The following PSIP1 variants were observed in gnomAD, a reference collection of about 807,000 sequenced individuals.
PSIP1 encodes the protein PC4 and SFRS1-interacting protein.
Under a neutral mutation model 74.7 loss-of-function variants are expected in PSIP1, and 19 were observed. The observed-to-expected ratio is 0.25, with a 90% CI of 0.18 to 0.37. PSIP1 has a LOEUF of 0.37. PSIP1 is among the 10% of genes least tolerant of loss of function. The pLI, the probability that PSIP1 is intolerant of heterozygous loss-of-function variation, is 1.00. For missense variants in PSIP1, 601 were observed against 614.3 expected (o/e 0.98, Z 0.23); for synonymous variants, 222 against 195.3 (o/e 1.14, Z -1.14).
intron 8 of PSIP1, 124 bp downstream of exon 8, chr9:15,478,353 T>C: frequency 1.2e-6 from 1 of 836,510 alleles, no homozygotes; most frequent in Non-Finnish European, 1.8e-6. Flanking sequence ...CCTGTAATTT[T>C]AAGAAAGATC....
chr9:15,484,796 CCAGCTACTT>C (rs2036487604), intron 6 of PSIP1, among the ~76,000 whole-genome samples: 1 of 151,700 alleles, frequency 6.6e-6, no homozygotes. Flanking sequence ...GCCTGTAATC[CCAGCTACTT>C]GGGAGGCCGA....
At chr9:15,502,941 A>G (rs940123106) in intron 3 of PSIP1, among the ~76,000 whole-genome samples, 10 of 152,248 alleles carry the variant, frequency 6.6e-5, no homozygotes, top group African/African-American at 2.2e-4. Flanking sequence ...TGCAGTTACA[A>G]AAGAATTCTG....
At chr9:15,475,987 T>C (rs1015784996) in intron 8 of PSIP1, among the ~76,000 whole-genome samples, 14 of 152,216 alleles carry the variant, frequency 9.2e-5, no homozygotes, top group Admixed American at 7.9e-4. Context: ...TTAGCTCTTC[T>C]GGGCTCTATT....
chr9:15,490,682 C>CAA (rs869054621), intron 3 of PSIP1, among the ~76,000 whole-genome samples: 583 of 55,982 alleles, frequency 0.01, 6 homozygotes, highest in African/African-American at 0.021. Context: ...GACTCTGTCT[C>CAA]AAAAAAAAAA....
At position 15,465,586 on chromosome 9, in the gene PSIP1, G is replaced by GA. The variant is rs762250850; in HGVS notation, c.1533-7dup. ...CTCTCTCTTCACTGGATGGCCTGAA[G>GA]AAAAGGGGGAAAGGTACAACTGGAA... On this transcript the variant is annotated splice_polypyrimidine_tract_variant and splice_region_variant and intron_variant, in intron 15 of 15. Transcript: ENST00000380733. The GA allele has an allele frequency of 1.9e-6, 3 of 1,566,352 alleles. No homozygotes were observed. The highest frequency in any genetic ancestry group is 2.6e-6 in the Non-Finnish European group (3 of 1,143,508).
chr9:15,471,779 A>G (rs2035841753), intron 10 of PSIP1: 5 of 953,634 alleles, frequency 5.2e-6, no homozygotes, highest in Non-Finnish European at 6.2e-6. Flanking sequence ...AAAAAGTACA[A>G]AATTGTTCAA....
At chr9:15,471,780 A>C in intron 10 of PSIP1, 1 of 953,720 alleles carries the variant, frequency 1.0e-6, no homozygotes, top group Non-Finnish European at 1.2e-6. Context: ...AAAAGTACAA[A>C]ATTGTTCAAG....
chr9:15,478,723 G>C (rs1445051929), intron 7 of PSIP1, among the ~76,000 whole-genome samples, 171 bp from the exon 8 acceptor site: 1 of 152,046 alleles, frequency 6.6e-6, no homozygotes, highest in East Asian at 1.9e-4. Context: ...TGGTTAAAAT[G>C]AGCAACAACA....
rs1714268624 is a variant in PSIP1, at chr9:15,510,969, C to G, written c.-294G>C. Reference sequence around the variant, plus strand: ...CGCTGCCGCCGCCGTAGCTGCGCTGCTCCCGCGCGGCTCCCGCTCGGCGCC... The same window carrying G: ...CGCTGCCGCCGCCGTAGCTGCGCTGGTCCCGCGCGGCTCCCGCTCGGCGCC... On this transcript the variant is annotated 5_prime_UTR_variant, in exon 1 of 16. Transcript: ENST00000380733. 6.5e-6 allele frequency: 1 copy of G among 152,830 alleles called. No individual in the cohort carries two copies. The allele number at this position is 152,830 out of a possible 1,614,324, so 9.5% of individuals were successfully genotyped here.
At chr9:15,486,747 A>C in intron 5 of PSIP1, 80 bp downstream of exon 5, 1 of 962,858 alleles carries the variant, frequency 1.0e-6, no homozygotes, top group Non-Finnish European at 1.6e-6. Flanking sequence ...ATTACTTACT[A>C]ATTAATCATG....
intron 10 of PSIP1, chr9:15,471,996 G>C: frequency 1.0e-6 from 1 of 974,166 alleles, no homozygotes; most frequent in Non-Finnish European, 1.2e-6. Flanking sequence ...CACGAAGTCT[G>C]TTCATTATTA....
chr9:15,492,994 G>A (rs114864637), intron 3 of PSIP1, among the ~76,000 whole-genome samples: 6,564 of 152,262 alleles, frequency 0.043, 478 homozygotes, highest in African/African-American at 0.15. Context: ...GTCCTATGAT[G>A]AGAGGGGCTG....
chr9:15,465,756 CTG>C (rs1449142598), intron 15 of PSIP1, 176 bp from the exon 16 acceptor site: 33 of 538,268 alleles, frequency 6.1e-5, no homozygotes, highest in Admixed American at 1.9e-4. Flanking sequence ...TTCTTCAAAA[CTG>C]TTATTTTACC....
In PSIP1 at chr9:15,500,784, G is replaced by GA. The variant is rs1159830388; in HGVS notation, c.149+5776dup. ...TAAGACAATTAAGAGCAGTAAGGAG[G>GA]AAAAAACAGCAAAATATCTTTATTT... On this transcript the variant is annotated intron_variant, in intron 3 of 15. Transcript: ENST00000380733. Among the ~76,000 whole-genome samples, 18 of 152,182 alleles carry GA rather than the reference G, an allele frequency of 1.2e-4. No individual in the cohort carries two copies. The East Asian group carries it at 2.3e-3, about 20-fold the overall frequency.
At chr9:15,477,254 C>A (rs1024435590) in intron 8 of PSIP1, among the ~76,000 whole-genome samples, 1 of 152,064 alleles carries the variant, frequency 6.6e-6, no homozygotes, top group African/African-American at 2.4e-5. Flanking sequence ...TTATGGTGTG[C>A]AACACAATGT....
Position 15,474,138 on chromosome 9 carries a change from C to A in PSIP1, c.729G>T (p.Lys243Asn), listed in dbSNP as rs774973869. The A allele has an allele frequency of 6.2e-7, 1 of 1,613,264 alleles. No individual in the cohort carries two copies. ...CTTTTTTATCCGGCTCTTTTCTTGG[C>A]TTATCTTCTTCCTTCTGGCCCTCTT... ...KDEEGQKEED[K>N]PRKEPDKKEG... The change falls in exon 9 of 16, where the codon AAG becomes AAT. Residue 243 changes from lysine (K) to asparagine (N), a missense_variant. Lys to Asn is a moderately conservative substitution (Grantham distance 94). Transcript: ENST00000380733.
At chr9:15,470,679 T>C in intron 10 of PSIP1, 1 of 937,312 alleles carries the variant, frequency 1.1e-6, no homozygotes, top group Non-Finnish European at 1.3e-6. Context: ...TTGGTTACAG[T>C]TTCATTCTTA....
intron 11 of PSIP1, 54 bp downstream of exon 11, chr9:15,469,884 A>T (rs76473372): frequency 0.02 from 28,568 of 1,452,990 alleles, 366 homozygotes; most frequent in Non-Finnish European, 0.023. Context: ...TTATGTCTAT[A>T]TAACTTCTTT....
intron 3 of PSIP1, among the ~76,000 whole-genome samples, chr9:15,496,270 T>C (rs565208552): frequency 3.9e-5 from 6 of 152,346 alleles, no homozygotes; most frequent in Non-Finnish European, 8.8e-5. Flanking sequence ...CAATTGAAAT[T>C]TGTGCCTACA....
Sources: gnomAD v4.1 joint callset for allele counts (sites outside exome capture counted in the v4.1 genomes callset) on GRCh38, gnomAD v4.1.1 for gene constraint, MANE v1.5 for transcripts, NCBI Gene and HGNC (gene_info 2026-07-23, HGNC 2026-07-21) for gene names.